CCNJL: variants seen among roughly 807,000 people sequenced by gnomAD.
CCNJL encodes cyclin J like, also known as cyclin-J-like protein.
A neutral mutation model predicts 33.4 loss-of-function variants in CCNJL; 33 were observed. The observed-to-expected ratio is 0.99, with a 90% CI of 0.75 to 1.32. The LOEUF (loss-of-function observed/expected upper bound fraction) is 1.32. Among genes scored for constraint, CCNJL ranks in the 40% most tolerant of loss-of-function variants. The probability of loss-of-function intolerance (pLI) is 0.00; values close to 1 mark genes in which losing one functional copy is unlikely to be tolerated. For missense variants in CCNJL, 512 were observed against 499.7 expected, an observed-to-expected ratio of 1.02 and a Z score of -0.23; for synonymous variants, 227 against 220.9, an observed-to-expected ratio of 1.03 and a Z score of -0.24.
chr5:160,305,301 AT>A (rs1763055942), intron 2 of CCNJL, among the ~76,000 whole-genome samples: 1 of 152,212 alleles, frequency 6.6e-6, no homozygotes, highest in South Asian at 2.1e-4. Context: ...GCTGGGATGA[AT>A]TTCTACCACT....
At chr5:160,280,890 C>T in intron 2 of CCNJL, 152 bp from the exon 3 acceptor site, 4 of 707,976 alleles carry the variant, frequency 5.6e-6, no homozygotes, top group Non-Finnish European at 1.0e-5. Context: ...GATGGCAGCC[C>T]CGCCTGGGCT....
chr5:160,260,218 C>G (rs1488994323), intron 3 of CCNJL, among the ~76,000 whole-genome samples: 1 of 152,198 alleles, frequency 6.6e-6, no homozygotes, highest in Admixed American at 6.5e-5. Context: ...GTCAGCATGG[C>G]CACGCAAACC....
intron 2 of CCNJL, among the ~76,000 whole-genome samples, chr5:160,291,510 C>T (rs867721217): frequency 3.9e-5 from 6 of 152,322 alleles, no homozygotes; most frequent in Admixed American, 2.0e-4. Context: ...TGCCCTCCTC[C>T]CTCTTTGGGG....
intron 2 of CCNJL, among the ~76,000 whole-genome samples, chr5:160,296,418 A>C (rs1279795742): frequency 1.3e-5 from 2 of 152,248 alleles, no homozygotes; most frequent in African/African-American, 4.8e-5. Context: ...AAGAAACTTG[A>C]AATCTTCCAC....
At chr5:160,330,166 C>A (rs927540991) in intron 1 of CCNJL, among the ~76,000 whole-genome samples, 1 of 152,168 alleles carries the variant, frequency 6.6e-6, no homozygotes, top group Admixed American at 6.5e-5. Flanking sequence ...CTGTTCTGGA[C>A]CCTGGTCCAA....
chr5:160,312,861 G>C (rs1763323558), upstream of CCNJL: 1 of 152,128 alleles, frequency 6.6e-6, no homozygotes, highest in Non-Finnish European at 1.5e-5. Flanking sequence ...GACGCCCCCA[G>C]AAAGTTCTGC....
At chr5:160,321,235 T>C (rs960721123) in intron 1 of CCNJL, among the ~76,000 whole-genome samples, 2 of 151,898 alleles carry the variant, frequency 1.3e-5, no homozygotes, top group Non-Finnish European at 2.9e-5. Flanking sequence ...GATAAGAGCT[T>C]TCCAGACTCC....
intron 2 of CCNJL, among the ~76,000 whole-genome samples, chr5:160,299,717 G>A (rs1762865504): frequency 6.6e-6 from 1 of 151,898 alleles, no homozygotes; most frequent in Non-Finnish European, 1.5e-5. Flanking sequence ...GTGGGTATGT[G>A]AGGACTCATT....
chr5:160,305,740 C>T (rs760112379), intron 2 of CCNJL, among the ~76,000 whole-genome samples: 9 of 152,176 alleles, frequency 5.9e-5, no homozygotes, highest in Non-Finnish European at 1.2e-4. Context: ...ACACTTATTC[C>T]TGTGAGCCTT....
At chr5:160,261,472 G>T (rs945250995) in intron 3 of CCNJL, 6 of 152,330 alleles carry the variant, frequency 3.9e-5, no homozygotes, top group Non-Finnish European at 8.8e-5. Flanking sequence ...TGTGTCCGAA[G>T]TACACACTTT....
At chr5:160,290,738 C>T (rs1326828146) in intron 2 of CCNJL, among the ~76,000 whole-genome samples, 1 of 151,992 alleles carries the variant, frequency 6.6e-6, no homozygotes, top group Non-Finnish European at 1.5e-5. Flanking sequence ...CTCTGTGACC[C>T]CAATACCTGA....
intron 3 of CCNJL, among the ~76,000 whole-genome samples, chr5:160,262,162 C>T (rs1171624121): frequency 6.6e-6 from 1 of 152,214 alleles, no homozygotes; most frequent in Admixed American, 6.5e-5. Flanking sequence ...CTCTTTCCCT[C>T]CCCAGAGCAG....
At chr5:160,260,116 G>C (rs1268271214) in intron 3 of CCNJL, among the ~76,000 whole-genome samples, 2 of 152,224 alleles carry the variant, frequency 1.3e-5, no homozygotes, top group African/African-American at 2.4e-5. Context: ...CAAAGCAGCC[G>C]ATAGCGGTCA....
intron 2 of CCNJL, chr5:160,294,920 C>G (rs185951652): frequency 6.6e-6 from 1 of 152,476 alleles, no homozygotes; most frequent in Admixed American, 6.5e-5. Context: ...CTCCTGCCCC[C>G]GATTTCCAGA....
chr5:160,257,864 T>A (rs1761137041), intron 4 of CCNJL, among the ~76,000 whole-genome samples: 3 of 151,496 alleles, frequency 2.0e-5, no homozygotes, highest in Non-Finnish European at 4.4e-5. Context: ...TTTTTTTTTT[T>A]AGATGGAGTC....
At position 160,289,301 on chromosome 5, in the gene CCNJL, C is replaced by T. The variant is rs186472620; in HGVS notation, c.67-8563G>A. Among the ~76,000 whole-genome samples, 10 of 152,256 alleles carry T rather than the reference C, an allele frequency of 6.6e-5. No homozygotes were observed. The East Asian group carries it at 1.7e-3, about 27-fold the overall frequency. ...TCCTGCCCTTGGCCATACCCTTGGT[C>T]CCTGGCACAGAGTAAGTACTAATGA... On this transcript the variant is annotated intron_variant, in intron 2 of 5. Transcript: ENST00000257536.
At chr5:160,288,655 G>A (rs947296732) in intron 2 of CCNJL, among the ~76,000 whole-genome samples, 20 of 151,826 alleles carry the variant, frequency 1.3e-4, no homozygotes, top group Non-Finnish European at 2.9e-4. Context: ...CGGATCACGA[G>A]GTCAGGAGAT....
intron 3 of CCNJL, among the ~76,000 whole-genome samples, chr5:160,266,882 T>C (rs975513886): frequency 6.6e-6 from 1 of 152,128 alleles, no homozygotes; most frequent in Non-Finnish European, 1.5e-5. Context: ...CAGCTTCCTT[T>C]CCCCAGGACT....
At chr5:160,302,695 C>T (rs1762960464) in intron 2 of CCNJL, among the ~76,000 whole-genome samples, 1 of 152,016 alleles carries the variant, frequency 6.6e-6, no homozygotes, top group South Asian at 2.1e-4. Flanking sequence ...GCCTGTAATT[C>T]CAGCTACTCA....
Sources: allele counts gnomAD v4.1 joint callset (sites outside exome capture counted in the v4.1 genomes callset), GRCh38; gene constraint gnomAD v4.1.1; transcripts MANE v1.5; gene names NCBI Gene and HGNC (gene_info 2026-07-23, HGNC 2026-07-21).